The following LRP5 variants were observed in gnomAD, a reference collection of about 807,000 sequenced individuals.
LRP5 encodes LDL receptor related protein 5.
A neutral mutation model predicts 154.1 loss-of-function variants in LRP5; 62 were observed. The observed-to-expected ratio is 0.40, with a 90% CI of 0.33 to 0.50. The LOEUF is 0.50. Ranked by LOEUF, LRP5 falls within the 20% of genes least tolerant of loss-of-function variation. LRP5 has a pLI of 0.55. For missense variants in LRP5, 1,915 were observed against 2,336.7 expected, an observed-to-expected ratio of 0.82 and a Z score of 3.72; for synonymous variants, 966 against 1,011.5, an observed-to-expected ratio of 0.96 and a Z score of 0.85.
At chr11:68,383,279 C>T (rs1336067008) in intron 5 of LRP5, among the ~76,000 whole-genome samples, 1 of 152,176 alleles carries the variant, frequency 6.6e-6, no homozygotes, top group Non-Finnish European at 1.5e-5. Flanking sequence ...CACTGGCGTT[C>T]TCTGTGGGGC....
chr11:68,397,972 T>TGTGTGTGTGTGTG (rs2098650381), intron 7 of LRP5, among the ~76,000 whole-genome samples: 40 of 142,192 alleles, frequency 2.8e-4, no homozygotes, highest in South Asian at 4.7e-4. Flanking sequence ...CTGTGTGTGT[T>TGTGTGTGTGTGTG]TGTGTGTGTG....
At position 68,447,761 on chromosome 11, in the gene LRP5, T is replaced by C. The variant is rs376945885; in HGVS notation, c.4587-1048T>C. Reference sequence around the variant, plus strand: ...GGTGTTGGCTGCACCTTCCCACCCATTGCAGGCCCCTCTGTGACAGGACGG... The same window carrying C: ...GGTGTTGGCTGCACCTTCCCACCCACTGCAGGCCCCTCTGTGACAGGACGG... On this transcript the variant is annotated intron_variant, in intron 22 of 22. Coordinates refer to ENST00000294304, the MANE Select transcript of LRP5 (RefSeq NM_002335.4). This position sits in a 1 kb window ranked among gnomAD's most constrained non-coding sequence, Gnocchi z 4.3. Among the ~76,000 whole-genome samples the C allele has an allele frequency of 2.1e-3, 314 of 152,224 alleles. 5 individuals are homozygous for C. The highest frequency in any genetic ancestry group is 7.3e-3 in the African/African-American group (304 of 41,530).
intron 2 of LRP5, among the ~76,000 whole-genome samples, chr11:68,349,359 G>A (rs142234693): frequency 1.2e-4 from 18 of 152,272 alleles, no homozygotes; most frequent in Non-Finnish European, 4.4e-5. Context: ...TTTAAAACTT[G>A]CATGTCTGAG....
intron 1 of LRP5, among the ~76,000 whole-genome samples, chr11:68,346,787 C>T (rs977544443): frequency 6.6e-6 from 1 of 152,228 alleles, no homozygotes; most frequent in Non-Finnish European, 1.5e-5. Flanking sequence ...ATGGAGCTCC[C>T]TGGAGGCCCT....
intron 1 of LRP5, among the ~76,000 whole-genome samples, chr11:68,346,089 A>T (rs2098612681): frequency 6.6e-6 from 1 of 152,146 alleles, no homozygotes; most frequent in South Asian, 2.1e-4. Flanking sequence ...TAGATCTATG[A>T]TTTGGAAATA....
Position 68,365,465 on chromosome 11 carries a change from G to C in LRP5, c.884-106G>C. On this transcript the variant is annotated intron_variant, in intron 4 of 22. Transcript: ENST00000294304. ...CTTGAGGCCGATGTTTGGGCAGAGGGACACACTGGAGGCTGTCACGGGGGA... is the reference window on the plus strand; with the variant it reads ...CTTGAGGCCGATGTTTGGGCAGAGGCACACACTGGAGGCTGTCACGGGGGA... 3.2e-6 allele frequency: 5 copies of C among 1,539,874 alleles called. 1 individual carries two copies. The South Asian group carries it at 5.6e-5, about 17-fold the overall frequency.
chr11:68,421,720 GT>G (rs2098665781), intron 13 of LRP5, among the ~76,000 whole-genome samples: 1 of 132,832 alleles, frequency 7.5e-6, no homozygotes. Context: ...GTGTGTGTGT[GT>G]GTGGTGTGTG....
intron 5 of LRP5, among the ~76,000 whole-genome samples, chr11:68,373,220 TCTG>T (rs1392946599): frequency 6.6e-6 from 1 of 152,212 alleles, no homozygotes; most frequent in African/African-American, 2.4e-5. Context: ...TGTCTTGAAT[TCTG>T]CTTTTTCCTG....
chr11:68,440,613 CT>C (rs1316511534), intron 21 of LRP5, among the ~76,000 whole-genome samples: 9 of 152,194 alleles, frequency 5.9e-5, no homozygotes, highest in African/African-American at 1.9e-4. Context: ...GCTTTGTATG[CT>C]TTTCATTTGT....
chr11:68,445,467 CG>C, intron 21 of LRP5: 1 of 477,878 alleles, frequency 2.1e-6, no homozygotes, highest in Middle Eastern at 3.4e-4. Flanking sequence ...GGACTTCACC[CG>C]GGTCTGTCTG....
intron 13 of LRP5, among the ~76,000 whole-genome samples, chr11:68,420,759 C>T (rs1190533222): frequency 6.6e-6 from 1 of 151,978 alleles, no homozygotes; most frequent in Admixed American, 6.6e-5. Context: ...GTTATTTATC[C>T]ATCCACGGGT....
At chr11:68,439,259 C>T (rs1035499920) in intron 20 of LRP5, among the ~76,000 whole-genome samples, 4 of 152,196 alleles carry the variant, frequency 2.6e-5, no homozygotes, top group African/African-American at 9.7e-5. Context: ...CCCACAGCTC[C>T]AGGCCACCTT....
chr11:68,318,260 T>C (rs1354128331), intron 1 of LRP5, among the ~76,000 whole-genome samples: 1 of 151,786 alleles, frequency 6.6e-6, no homozygotes, highest in African/African-American at 2.4e-5. Flanking sequence ...TTCACCGTGT[T>C]AGCCAGGATG....
At chr11:68,341,059 C>CCTTTTTTT (rs1555071026) in intron 1 of LRP5, among the ~76,000 whole-genome samples, 13 of 83,478 alleles carry the variant, frequency 1.6e-4, no homozygotes, top group African/African-American at 5.7e-4. Context: ...GGAGATTGTT[C>CCTTTTTTT]TTTTTTTTTT....
chr11:68,444,578 C>T (rs1217017386), intron 21 of LRP5, among the ~76,000 whole-genome samples: 3 of 121,462 alleles, frequency 2.5e-5, no homozygotes, highest in Non-Finnish European at 3.4e-5. Context: ...CCACCCCCCA[C>T]CCCCCACCCT....
chr11:68,439,693 G>A, intron 20 of LRP5, 84 bp from the exon 21 acceptor site: 12 of 1,428,238 alleles, frequency 8.4e-6, no homozygotes, highest in Non-Finnish European at 1.2e-5. Context: ...TGGGTAGTGG[G>A]AGCAGAGGAG....
intron 7 of LRP5, 96 bp downstream of exon 7, chr11:68,390,148 T>C: frequency 1.4e-6 from 2 of 1,421,404 alleles, no homozygotes; most frequent in Non-Finnish European, 2.0e-6. Context: ...TGGGTGCCTG[T>C]GCTCTGCTAT....
At chr11:68,336,028 A>T (rs1372911856) in intron 1 of LRP5, among the ~76,000 whole-genome samples, 1 of 152,216 alleles carries the variant, frequency 6.6e-6, no homozygotes, top group Non-Finnish European at 1.5e-5. Flanking sequence ...CTGTACGTGT[A>T]TATCCTACCT....
chr11:68,413,716 A>G lies in LRP5; in HGVS notation c.2531A>G (p.Asp844Gly). The G allele has an allele frequency of 6.2e-7, 1 of 1,613,776 alleles. No homozygotes were observed. The change falls in exon 12 of 23, where the codon GAT (aspartate) becomes GGT (glycine). Residue 844 changes from aspartate (D) to glycine (G), a missense_variant. By Grantham distance (94) the Asp-to-Gly change is moderately conservative (BLOSUM62 -1). Coordinates refer to ENST00000294304, the MANE Select transcript of LRP5 (RefSeq NM_002335.4). The surrounding 1 kb of genome is among the most constrained non-coding windows in gnomAD (Gnocchi z 5.1). ...CAGGAGCGGGTCGTGATTGCCGACGATCTCCCGCACCCGTTCGGTCTGACG... is the reference window on the plus strand; with the variant it reads ...CAGGAGCGGGTCGTGATTGCCGACGGTCTCCCGCACCCGTTCGGTCTGACG... ...LGQERVVIAD[D>G]LPHPFGLTQY...
Sources: allele counts gnomAD v4.1 joint callset (sites outside exome capture counted in the v4.1 genomes callset), GRCh38; gene constraint gnomAD v4.1.1; non-coding constraint Gnocchi (gnomAD v3.1); transcripts MANE v1.5; gene names NCBI Gene and HGNC (gene_info 2026-07-23, HGNC 2026-07-21).